The following TBC1D1 variants were observed in gnomAD, a reference collection of about 807,000 sequenced individuals.
TBC1D1 encodes the protein TBC1 (tre-2/USP6, BUB2, cdc16) domain family, member 1.
A neutral mutation model predicts 125.6 loss-of-function variants in TBC1D1; 89 were observed. The ratio of observed to expected loss-of-function variants is 0.71; its 90% CI spans 0.60 to 0.85. The LOEUF is 0.85. Ranked by LOEUF, TBC1D1 falls within the 40% of genes least tolerant of loss-of-function variation. The pLI is 0.00. For synonymous variants in TBC1D1, 565 were observed against 564.1 expected, an observed-to-expected ratio of 1.00 and a Z score of -0.02; for missense variants, 1,377 against 1,469.2, an observed-to-expected ratio of 0.94 and a Z score of 1.03.
At position 37,899,948 on chromosome 4, in the gene TBC1D1, G is replaced by C. The variant is rs569914824; in HGVS notation, c.-93-2055G>C. Among the ~76,000 whole-genome samples, 4 of 151,034 alleles carry C rather than the reference G, an allele frequency of 2.6e-5. No individual in the cohort carries two copies. In the South Asian group the frequency reaches 8.4e-4, roughly 32 times the overall value. On this transcript the variant is annotated intron_variant, in intron 1 of 19. Coordinates refer to ENST00000261439, the MANE Select transcript of TBC1D1 (RefSeq NM_015173.4). ...ATCCTGGCTAACACGGTGAAACCCC[G>C]TCTGTACTAAAGATACAAAAGAATT...
At chr4:38,042,055 A>G (rs1748494985) in intron 8 of TBC1D1, among the ~76,000 whole-genome samples, 1 of 152,030 alleles carries the variant, frequency 6.6e-6, no homozygotes, top group Non-Finnish European at 1.5e-5. Context: ...GCACACTTGT[A>G]GTCCCAGCTA....
chr4:38,076,055 C>T (rs1427523588), intron 12 of TBC1D1, among the ~76,000 whole-genome samples: 2 of 152,086 alleles, frequency 1.3e-5, no homozygotes, highest in Non-Finnish European at 2.9e-5. Context: ...TGTATTAGTC[C>T]GTTCTCACAC....
chr4:38,080,049 C>T (rs1756287991), intron 12 of TBC1D1, among the ~76,000 whole-genome samples: 1 of 152,208 alleles, frequency 6.6e-6, no homozygotes, highest in Non-Finnish European at 1.5e-5. Context: ...CAAGAATTTG[C>T]ATTTCTAACA....
chr4:38,023,115 T>C lies in TBC1D1; in HGVS notation c.1210+1397T>C, dbSNP rs372193827. Among the ~76,000 whole-genome samples the C allele has an allele frequency of 1.3e-4, 20 of 151,818 alleles. No individual in the cohort carries two copies. The South Asian group carries it at 4.2e-3, about 32-fold the overall frequency. ...TACAAAAATTAGCTGGGTGTGGTGG[T>C]GTGTGCCTGTAATTCCAGCTACTTG... On this transcript the variant is annotated intron_variant, in intron 6 of 19. Transcript: ENST00000261439.
At chr4:37,963,593 G>T (rs1373327632) in intron 2 of TBC1D1, among the ~76,000 whole-genome samples, 1 of 152,176 alleles carries the variant, frequency 6.6e-6, no homozygotes, top group Non-Finnish European at 1.5e-5. Context: ...GGAGGTGAAG[G>T]TTGCGGTGAG....
At chr4:38,096,227 A>T in intron 14 of TBC1D1, 137 bp downstream of exon 16, 1 of 653,362 alleles carries the variant, frequency 1.5e-6, no homozygotes, top group Non-Finnish European at 2.6e-6. Context: ...CTATTTCCAT[A>T]TACCTTACTT....
chr4:38,020,766 G>C (rs1056558125), intron 5 of TBC1D1, 71 bp downstream of exon 5: 12 of 1,344,418 alleles, frequency 8.9e-6, no homozygotes, highest in Non-Finnish European at 1.3e-5. Flanking sequence ...TGATTTTTCT[G>C]TCCTTAGGGA....
intron 2 of TBC1D1, among the ~76,000 whole-genome samples, chr4:37,972,618 T>C (rs909005046): frequency 2.8e-4 from 43 of 151,696 alleles, no homozygotes; most frequent in African/African-American, 9.7e-4. Context: ...ATAGTGTATT[T>C]GAATAGGCCA....
rs944999618 is a variant in TBC1D1, at chr4:38,100,314, C to T, written c.2399-2685C>T. Among the ~76,000 whole-genome samples the T allele has an allele frequency of 4.6e-5, 7 of 152,320 alleles. No individual in the cohort carries two copies. The East Asian group carries it at 5.8e-4, about 13-fold the overall frequency. The stretch of plus-strand genomic sequence containing the variant: ...GGAGGCCATAGCTCCAAAACCATGC[C>T]GTTAGCTTGTCTGTACTTGGCCTCT... On this transcript the variant is annotated intron_variant, in intron 14 of 19. Transcript: ENST00000261439.
intron 16 of TBC1D1, 111 bp from the exon 19 acceptor site, chr4:38,117,922 T>A: frequency 2.1e-6 from 2 of 963,328 alleles, no homozygotes; most frequent in Non-Finnish European, 3.1e-6. Flanking sequence ...CCAAATCGAA[T>A]GTTTAAAGTT....
At position 37,977,266 on chromosome 4, in the gene TBC1D1, C is replaced by A. The variant is rs1302270673; in HGVS notation, c.418-37243C>A. 6.7e-6 allele frequency: 1 copy of A among 148,986 alleles called. No individual in the cohort carries two copies. The highest frequency in any genetic ancestry group is 2.5e-5 in the African/African-American group (1 of 40,548). The allele number at this position is 148,986 out of a possible 1,614,324, so 9.2% of individuals were successfully genotyped here. On this transcript the variant is annotated intron_variant, in intron 2 of 19. Transcript: ENST00000261439. This position sits in a 1 kb window ranked among gnomAD's most constrained non-coding sequence, Gnocchi z 4.3. Reference sequence around the variant, plus strand: ...TCTCCCCTCCTCCCCCCGCCCACCCCCTCCCCGCGCTCTCCCCTCCCACTT... The same window carrying A: ...TCTCCCCTCCTCCCCCCGCCCACCCACTCCCCGCGCTCTCCCCTCCCACTT...
chr4:38,013,015 A>G (rs183934851), intron 2 of TBC1D1, among the ~76,000 whole-genome samples: 13 of 151,914 alleles, frequency 8.6e-5, no homozygotes, highest in South Asian at 2.1e-4. Flanking sequence ...GGCTGGTCTC[A>G]ACCTCCTGAC....
At chr4:38,073,613 A>G (rs1755073449) in intron 12 of TBC1D1, among the ~76,000 whole-genome samples, 1 of 152,174 alleles carries the variant, frequency 6.6e-6, no homozygotes, top group East Asian at 1.9e-4. Context: ...ATTAAATCAG[A>G]CTGGCCTGAA....
intron 19 of TBC1D1, among the ~76,000 whole-genome samples, 162 bp from the exon 22 acceptor site, chr4:38,136,973 C>G (rs1220957940): frequency 1.3e-5 from 2 of 152,108 alleles, no homozygotes; most frequent in African/African-American, 4.8e-5. Flanking sequence ...GCAAGGGGTG[C>G]GAGTTGCCTT....
At chr4:37,963,874 C>A (rs1730545157) in intron 2 of TBC1D1, among the ~76,000 whole-genome samples, 1 of 152,134 alleles carries the variant, frequency 6.6e-6, no homozygotes, top group Admixed American at 6.6e-5. Context: ...TCTTTTTCCC[C>A]CCAATGGCTC....
chr4:37,913,631 A>ATATAT (rs1719082934), intron 2 of TBC1D1, among the ~76,000 whole-genome samples: 1 of 150,478 alleles, frequency 6.6e-6, no homozygotes, highest in Admixed American at 6.6e-5. Flanking sequence ...ATGTGTGTAT[A>ATATAT]TATATATATG....
At chr4:37,959,378 A>G (rs1437960869) in intron 2 of TBC1D1, among the ~76,000 whole-genome samples, 2 of 152,214 alleles carry the variant, frequency 1.3e-5, no homozygotes, top group East Asian at 1.9e-4. Flanking sequence ...AACATATTGC[A>G]TTATTCATTA....
chr4:38,049,985 T>C (rs930619333), intron 11 of TBC1D1, 87 bp downstream of exon 11: 3 of 1,386,968 alleles, frequency 2.2e-6, no homozygotes, highest in Non-Finnish European at 2.9e-6. Context: ...GTTTATTGAG[T>C]GAGAGAAATG....
chr4:38,046,531 A>C (rs73241074), intron 10 of TBC1D1, among the ~76,000 whole-genome samples: 16,779 of 152,072 alleles, frequency 0.11, 1,154 homozygotes, highest in Non-Finnish European at 0.15. Context: ...TGTTTATTAC[A>C]TGGGTATATT....
Sources: allele counts gnomAD v4.1 joint callset (sites outside exome capture counted in the v4.1 genomes callset), GRCh38; gene constraint gnomAD v4.1.1; non-coding constraint Gnocchi (gnomAD v3.1); transcripts MANE v1.5; gene names NCBI Gene and HGNC (gene_info 2026-07-23, HGNC 2026-07-21).